Variants in ACTL8 observed in about 807,000 individuals in gnomAD.
ACTL8 encodes actin like 8.
A neutral mutation model predicts 9.3 loss-of-function variants in ACTL8; 3 were observed. The ratio of observed to expected loss-of-function variants is 0.32; its 90% CI spans 0.15 to 0.83. ACTL8 has a LOEUF of 0.83. ACTL8 is among the 40% of genes least tolerant of loss of function. The pLI, the probability that ACTL8 is intolerant of heterozygous loss-of-function variation, is 0.57. For synonymous variants in ACTL8, 224 were observed against 205.9 expected (o/e 1.09, Z -0.75); for missense variants, 381 against 492.2 (o/e 0.77, Z 2.14).
chr1:17,806,880 C>T (rs1202999269), intron 1 of ACTL8, among the ~76,000 whole-genome samples: 1 of 152,204 alleles, frequency 6.6e-6, no homozygotes, highest in Non-Finnish European at 1.5e-5. Context: ...ATTCATTATC[C>T]TGCAGTTCTG....
intron 1 of ACTL8, among the ~76,000 whole-genome samples, chr1:17,796,011 C>T (rs1006979157): frequency 6.6e-6 from 1 of 152,162 alleles, no homozygotes; most frequent in Non-Finnish European, 1.5e-5. Flanking sequence ...CCTTTAAAAG[C>T]TGAGCTAGGG....
intron 1 of ACTL8, among the ~76,000 whole-genome samples, chr1:17,799,940 T>TC (rs1168082926): frequency 6.6e-6 from 1 of 152,084 alleles, no homozygotes; most frequent in Non-Finnish European, 1.5e-5. Flanking sequence ...TCTCTGCTGT[T>TC]CCGTTGGTCT....
At chr1:17,809,651 G>T (rs545794927) in intron 1 of ACTL8, among the ~76,000 whole-genome samples, 1 of 152,070 alleles carries the variant, frequency 6.6e-6, no homozygotes, top group Non-Finnish European at 1.5e-5. Context: ...TGTGAACTGT[G>T]CATGTGAGGG....
At chr1:17,796,306 C>G (rs1570023689) in intron 1 of ACTL8, among the ~76,000 whole-genome samples, 2 of 148,054 alleles carry the variant, frequency 1.4e-5, no homozygotes, top group South Asian at 4.4e-4. Context: ...ATGCGTGCAC[C>G]TGTGTGTGTG....
chr1:17,812,907 T>C (rs542998129), intron 1 of ACTL8, among the ~76,000 whole-genome samples: 1 of 152,326 alleles, frequency 6.6e-6, no homozygotes, highest in African/African-American at 2.4e-5. Flanking sequence ...TTTGATGTTA[T>C]TGTCAATGAT....
intron 1 of ACTL8, among the ~76,000 whole-genome samples, chr1:17,796,097 T>TA (rs2102690045): frequency 6.6e-6 from 1 of 152,250 alleles, no homozygotes; most frequent in South Asian, 2.1e-4. Flanking sequence ...CTGGGTGTCT[T>TA]ACCAGGGTGG....
At chr1:17,817,176 G>C (rs2066431437) in intron 1 of ACTL8, among the ~76,000 whole-genome samples, 1 of 148,844 alleles carries the variant, frequency 6.7e-6, no homozygotes, top group Admixed American at 6.8e-5. Context: ...CTGTGGTAAT[G>C]TACCTTAATG....
At chr1:17,773,634 G>A (rs1489489896) in intron 1 of ACTL8, among the ~76,000 whole-genome samples, 1 of 152,212 alleles carries the variant, frequency 6.6e-6, no homozygotes, top group Non-Finnish European at 1.5e-5. Context: ...TTAGCCTGAT[G>A]AAGAGGAGGC....
At chr1:17,771,933 TC>T (rs10709817) in intron 1 of ACTL8, among the ~76,000 whole-genome samples, 42,360 of 152,064 alleles carry the variant, frequency 0.28, 6,548 homozygotes, top group Admixed American at 0.37. Context: ...CTTGTCCTCT[TC>T]CTGCCTTCTC....
chr1:17,771,499 G>A (rs2102678531), intron 1 of ACTL8, among the ~76,000 whole-genome samples: 1 of 152,250 alleles, frequency 6.6e-6, no homozygotes, highest in East Asian at 1.9e-4. Flanking sequence ...AGGAGGGCGG[G>A]TTGAAGACAG....
intron 2 of ACTL8, 53 bp from the exon 3 acceptor site, chr1:17,825,714 A>T: frequency 6.4e-7 from 1 of 1,571,966 alleles, no homozygotes; most frequent in Non-Finnish European, 8.6e-7. Flanking sequence ...TTCAGCTTTG[A>T]CTGCTGAGCA....
At chr1:17,798,041 T>C (rs951071911) in intron 1 of ACTL8, among the ~76,000 whole-genome samples, 1 of 152,084 alleles carries the variant, frequency 6.6e-6, no homozygotes, top group Non-Finnish European at 1.5e-5. Flanking sequence ...CCGGAGTAGA[T>C]TGACAATCTG....
intron 1 of ACTL8, among the ~76,000 whole-genome samples, chr1:17,805,370 TC>T: frequency 1.0e-5 from 1 of 98,322 alleles, no homozygotes; most frequent in South Asian, 2.9e-4. Flanking sequence ...ATTTTCTTTT[TC>T]TTTTTCTTTT....
chr1:17,814,464 TGTTA>T (rs745701382), intron 1 of ACTL8, among the ~76,000 whole-genome samples: 8 of 152,224 alleles, frequency 5.3e-5, no homozygotes, highest in Non-Finnish European at 8.8e-5. Flanking sequence ...CATACCATTA[TGTTA>T]GTCACCTACA....
At chr1:17,820,789 C>G (rs970423566) in intron 1 of ACTL8, among the ~76,000 whole-genome samples, 1 of 152,068 alleles carries the variant, frequency 6.6e-6, no homozygotes, top group African/African-American at 2.4e-5. Flanking sequence ...GTTGGTCGGG[C>G]TGGTCTTGAA....
intron 1 of ACTL8, among the ~76,000 whole-genome samples, chr1:17,803,048 A>ATTG (rs1244463383): frequency 6.6e-6 from 1 of 152,330 alleles, no homozygotes; most frequent in East Asian, 1.9e-4. Context: ...GCCTATCCAA[A>ATTG]TCTCATCTTG....
intron 1 of ACTL8, among the ~76,000 whole-genome samples, chr1:17,780,038 C>T (rs1159507416): frequency 6.6e-6 from 1 of 152,058 alleles, no homozygotes; most frequent in African/African-American, 2.4e-5. Context: ...GAGACCCTTT[C>T]TCTACAAAAA....
At chr1:17,756,330 C>A (rs1376899852) in intron 1 of ACTL8, among the ~76,000 whole-genome samples, 1 of 150,782 alleles carries the variant, frequency 6.6e-6, no homozygotes, top group Non-Finnish European at 1.5e-5. Context: ...GGGGACTCTA[C>A]CTTGGCCTTG....
intron 1 of ACTL8, among the ~76,000 whole-genome samples, chr1:17,821,832 G>A (rs2053664518): frequency 6.6e-6 from 1 of 152,054 alleles, no homozygotes; most frequent in Non-Finnish European, 1.5e-5. Context: ...CATCATGTTG[G>A]CCAGGCTGGT....
Sources: allele counts gnomAD v4.1 joint callset (sites outside exome capture counted in the v4.1 genomes callset), GRCh38; gene constraint gnomAD v4.1.1; transcripts MANE v1.5; gene names NCBI Gene and HGNC (gene_info 2026-07-23, HGNC 2026-07-21).